CRMP1: variants seen among roughly 807,000 people sequenced by gnomAD.
The protein encoded by CRMP1 is dihydropyrimidinase-related protein 1.
Under a neutral mutation model 68.3 loss-of-function variants are expected in CRMP1, and 19 were observed. That is an observed-to-expected ratio of 0.28 (90% CI 0.19 to 0.41). The LOEUF (loss-of-function observed/expected upper bound fraction) is 0.41, where lower values mean the gene tolerates loss of function less well. Ranked by LOEUF, CRMP1 falls within the 10% of genes least tolerant of loss-of-function variation. The pLI, the probability that CRMP1 is intolerant of heterozygous loss-of-function variation, is 1.00. For missense variants in CRMP1, 791 were observed against 967.4 expected, an observed-to-expected ratio of 0.82 and a Z score of 2.42; for synonymous variants, 439 against 399.6, an observed-to-expected ratio of 1.10 and a Z score of -1.18.
rs948809207 is a variant in CRMP1 at position 5,842,639 on chromosome 4, C to T, written c.1032+454G>A. Among the ~76,000 whole-genome samples, 12 of 151,020 alleles carry T rather than the reference C, an allele frequency of 7.9e-5. No individual in the cohort carries two copies. The highest frequency in any genetic ancestry group is 1.3e-4 in the Non-Finnish European group (9 of 67,782). On this transcript the variant is annotated intron_variant, in intron 7 of 13. Coordinates refer to ENST00000324989, the MANE Select transcript of CRMP1 (RefSeq NM_001014809.3). This position sits in a 1 kb window ranked among gnomAD's most constrained non-coding sequence, Gnocchi z 4.5. ...ACACTCACTCACACACACACACACG[C>T]ACTGTCTCTCTCACACACACACACT...
chr4:5,821,561 CTG>C lies in CRMP1; in HGVS notation c.*197_*198del. 1 of 587,030 alleles carries C rather than the reference CTG, an allele frequency of 1.7e-6. No homozygotes were observed. The highest frequency in any genetic ancestry group is 2.8e-5 in the East Asian group (1 of 35,874). The allele number at this position is 587,030 out of a possible 1,614,324, so 36.4% of individuals were successfully genotyped here. ...CGAGGTGGATTCAGCATGAACACAA[CTG>C]TGGGGCAAGGAATTTCCAAGCAAAC... On this transcript the variant is annotated 3_prime_UTR_variant, in exon 14 of 14. Coordinates refer to ENST00000324989, the MANE Select transcript of CRMP1 (RefSeq NM_001014809.3). This position sits in a 1 kb window ranked among gnomAD's most constrained non-coding sequence, Gnocchi z 4.4.
chr4:5,875,144 A>G (rs1342278994), intron 1 of CRMP1, among the ~76,000 whole-genome samples: 1 of 149,826 alleles, frequency 6.7e-6, no homozygotes, highest in Non-Finnish European at 1.5e-5. Flanking sequence ...TGCTTACAAA[A>G]ACTAGCCTTT....
At position 5,889,883 on chromosome 4, in the gene CRMP1, C is replaced by T. The variant is rs965159020; in HGVS notation, c.381+2706G>A. The T allele has an allele frequency of 2.8e-6, 4 of 1,422,970 alleles. No individual in the cohort carries two copies. The highest frequency in any genetic ancestry group is 5.7e-5 in the Admixed American group (2 of 35,154). 88.1% of individuals were successfully genotyped at this position (1,422,970 alleles called of 1,614,324 possible). ...GTGAGGTTTTAGCTTCACAGAGAAG[C>T]CAGCTCAGTATCCCAGGAACACTAG... On this transcript the variant is annotated intron_variant, in intron 1 of 13. Coordinates refer to ENST00000324989, the MANE Select transcript of CRMP1 (RefSeq NM_001014809.3). The surrounding 1 kb of genome is among the most constrained non-coding windows in gnomAD (Gnocchi z 4.5).
At position 5,825,073 on chromosome 4, in the gene CRMP1, G is replaced by T. The variant is rs1180058592; in HGVS notation, c.1969+421C>A. ...AAATAAAATCATGGGTTATGAAAGT[G>T]CTTAGTACACTGCAGTGGGTGAACA... On this transcript the variant is annotated intron_variant, in intron 13 of 13. Transcript: ENST00000324989. This position sits in a 1 kb window ranked among gnomAD's most constrained non-coding sequence, Gnocchi z 4.4. 2 of 985,296 alleles carry T rather than the reference G, an allele frequency of 2.0e-6. No individual in the cohort carries two copies. Among genetic ancestry groups the T allele is most frequent in the Non-Finnish European group, 2.4e-6 (2 of 829,946 alleles). The allele number at this position is 985,296 out of a possible 1,614,324, so 61.0% of individuals were successfully genotyped here.
chr4:5,867,728 G>A (rs1045439073), intron 1 of CRMP1, among the ~76,000 whole-genome samples: 1 of 152,132 alleles, frequency 6.6e-6, no homozygotes, highest in African/African-American at 2.4e-5. Flanking sequence ...GGAGAAAAGT[G>A]GGGACCTGCC....
chr4:5,837,707 A>G (rs1720824589), intron 9 of CRMP1, among the ~76,000 whole-genome samples: 2 of 102,424 alleles, frequency 2.0e-5, no homozygotes, highest in Non-Finnish European at 4.2e-5. Flanking sequence ...TAAAAAATGA[A>G]TGGACCATTA....
At position 5,821,748 on chromosome 4, in the gene CRMP1, G is replaced by T; in HGVS notation, c.*12C>A. On this transcript the variant is annotated 3_prime_UTR_variant, in exon 14 of 14. Coordinates refer to ENST00000324989, the MANE Select transcript of CRMP1 (RefSeq NM_001014809.3). The surrounding 1 kb of genome is among the most constrained non-coding windows in gnomAD (Gnocchi z 4.4). ...CAGAATCCTTCAGGCTAGCTCCTCCGCGCATCCACGTTCAACCGAGGCTGG... is the reference window on the plus strand; with the variant it reads ...CAGAATCCTTCAGGCTAGCTCCTCCTCGCATCCACGTTCAACCGAGGCTGG... The T allele has an allele frequency of 6.2e-7, 1 of 1,601,370 alleles. No individual in the cohort carries two copies. The highest frequency in any genetic ancestry group is 1.3e-5 in the African/African-American group (1 of 74,924).
Position 5,860,993 on chromosome 4 carries a change from T to C in CRMP1, c.655+33A>G. 1 of 1,603,730 alleles carries C rather than the reference T, an allele frequency of 6.2e-7. No homozygotes were observed. The highest frequency in any genetic ancestry group is 2.2e-5 in the East Asian group (1 of 44,782). On this transcript the variant is annotated intron_variant, in intron 3 of 13. Coordinates refer to ENST00000324989, the MANE Select transcript of CRMP1 (RefSeq NM_001014809.3). This position sits in a 1 kb window ranked among gnomAD's most constrained non-coding sequence, Gnocchi z 4.2. ...GTGATGGGGAGGAGACCTCACAGTC[T>C]ATGTCCCTAAGGCAGGGGACAGTGT...
chr4:5,875,081 T>C (rs891699084), intron 1 of CRMP1, among the ~76,000 whole-genome samples: 1 of 152,214 alleles, frequency 6.6e-6, no homozygotes. Context: ...ACAGCTGACA[T>C]TGGCAGGACG....
intron 13 of CRMP1, chr4:5,824,489 T>C: frequency 1.0e-6 from 1 of 972,524 alleles, no homozygotes; most frequent in Non-Finnish European, 1.2e-6. Context: ...TCATCCTCTC[T>C]CTCTCTCTCT....
At chr4:5,852,725 T>C (rs1007581436) in intron 4 of CRMP1, among the ~76,000 whole-genome samples, 1 of 152,174 alleles carries the variant, frequency 6.6e-6, no homozygotes, top group African/African-American at 2.4e-5. Context: ...GGGCTCGCCA[T>C]CTGGGCTGGG....
rs1318243076 is a variant in CRMP1, at chr4:5,888,177, C to T, written c.381+4412G>A. The T allele has an allele frequency of 1.6e-6, 2 of 1,241,812 alleles. No homozygotes were observed. Among genetic ancestry groups the T allele is most frequent in the African/African-American group, 1.6e-5 (1 of 64,196 alleles). The allele number at this position is 1,241,812 out of a possible 1,614,324, so 76.9% of individuals were successfully genotyped here. ...GGATCTGGACCCTGCCGGGCGCCCA[C>T]TCCCAGCCCACAAAGGCCAGCGCGG... On this transcript the variant is annotated intron_variant, in intron 1 of 13. Coordinates refer to ENST00000324989, the MANE Select transcript of CRMP1 (RefSeq NM_001014809.3). This position sits in a 1 kb window ranked among gnomAD's most constrained non-coding sequence, Gnocchi z 6.4.
intron 2 of CRMP1, among the ~76,000 whole-genome samples, chr4:5,864,728 G>A (rs1041279387): frequency 1.3e-5 from 2 of 152,248 alleles, no homozygotes; most frequent in Admixed American, 6.5e-5. Flanking sequence ...CATGAGCAGG[G>A]CCCACAAGGA....
intron 13 of CRMP1, chr4:5,824,425 G>C (rs1719199485): frequency 1.0e-6 from 1 of 985,336 alleles, no homozygotes; most frequent in Non-Finnish European, 1.2e-6. Flanking sequence ...CACTGAATCA[G>C]ACACTTCCTG....
At chr4:5,869,220 C>T (rs565602225) in intron 1 of CRMP1, among the ~76,000 whole-genome samples, 14 of 152,134 alleles carry the variant, frequency 9.2e-5, no homozygotes, top group African/African-American at 2.7e-4. Context: ...CCCAAAGCAC[C>T]GGGATTACAG....
At chr4:5,887,669 C>T in intron 1 of CRMP1, 1 of 985,470 alleles carries the variant, frequency 1.0e-6, no homozygotes, top group Non-Finnish European at 1.2e-6. Context: ...TTATTTTTAG[C>T]TGCGGGGAGG....
rs902124586 is a variant in CRMP1 at position 5,853,345 on chromosome 4, A to C, written c.821-1876T>G. ...GAAGAATCACTTTAACCTGGGAGGCAGTGAGCTGAGATCTCGCCATTGCAC... is the reference window on the plus strand; with the variant it reads ...GAAGAATCACTTTAACCTGGGAGGCCGTGAGCTGAGATCTCGCCATTGCAC... On this transcript the variant is annotated intron_variant, in intron 4 of 13. Coordinates refer to ENST00000324989, the MANE Select transcript of CRMP1 (RefSeq NM_001014809.3). The surrounding 1 kb of genome is among the most constrained non-coding windows in gnomAD (Gnocchi z 4.7). Among the ~76,000 whole-genome samples, 2 of 152,168 alleles carry C rather than the reference A, an allele frequency of 1.3e-5. No individual in the cohort carries two copies. Among genetic ancestry groups the C allele is most frequent in the Non-Finnish European group, 2.9e-5 (2 of 68,018 alleles).
rs1193055116 is a variant in CRMP1 at position 5,881,637 on chromosome 4, A to C, written c.381+10952T>G. Among the ~76,000 whole-genome samples the C allele has an allele frequency of 6.6e-6, 1 of 152,106 alleles. No individual in the cohort carries two copies. The highest frequency in any genetic ancestry group is 2.4e-5 in the African/African-American group (1 of 41,404). ...TCTTCCATGGCAAGAGCTGACTTTT[A>C]CTTACAGCAAATTAGACTCTATTCA... On this transcript the variant is annotated intron_variant, in intron 1 of 13. Coordinates refer to ENST00000324989, the MANE Select transcript of CRMP1 (RefSeq NM_001014809.3). The surrounding 1 kb of genome is among the most constrained non-coding windows in gnomAD (Gnocchi z 4.6).
rs896228809 is a variant in CRMP1, at chr4:5,881,824, C to G, written c.381+10765G>C. ...CACCACTGTGCTCACAGCACACAGG[C>G]TGAGAACCACTGGTTGTTGAAATAG... On this transcript the variant is annotated intron_variant, in intron 1 of 13. Coordinates refer to ENST00000324989, the MANE Select transcript of CRMP1 (RefSeq NM_001014809.3). This position sits in a 1 kb window ranked among gnomAD's most constrained non-coding sequence, Gnocchi z 4.6. Among the ~76,000 whole-genome samples the G allele has an allele frequency of 6.6e-6, 1 of 152,180 alleles. No individual in the cohort carries two copies. Among genetic ancestry groups the G allele is most frequent in the Non-Finnish European group, 1.5e-5 (1 of 68,018 alleles).
Sources: allele counts gnomAD v4.1 joint callset (sites outside exome capture counted in the v4.1 genomes callset), GRCh38; gene constraint gnomAD v4.1.1; non-coding constraint Gnocchi (gnomAD v3.1); transcripts MANE v1.5; gene names NCBI Gene and HGNC (gene_info 2026-07-23, HGNC 2026-07-21).